Variants in SAMD5 observed in about 807,000 individuals in gnomAD.
The protein encoded by SAMD5 is sterile alpha motif domain containing 5.
A neutral mutation model predicts 11.3 loss-of-function variants in SAMD5; 13 were observed. That is an observed-to-expected ratio of 1.15 (90% CI 0.75 to 1.83). The LOEUF (loss-of-function observed/expected upper bound fraction) is 1.83, where lower values mean the gene tolerates loss of function less well. SAMD5 is among the 40% of genes most tolerant of loss of function. The probability of loss-of-function intolerance (pLI) is 0.00; values close to 1 mark genes in which losing one functional copy is unlikely to be tolerated. For missense variants in SAMD5, 255 were observed against 239.1 expected (o/e 1.07, Z -0.44); for synonymous variants, 129 against 111.3 (o/e 1.16, Z -1.00).
chr6:147,663,735 T>C (rs2128454666), intron 1 of SAMD5, among the ~76,000 whole-genome samples: 1 of 137,872 alleles, frequency 7.3e-6, no homozygotes, highest in South Asian at 2.2e-4. Context: ...GAGGTTGCAG[T>C]GAGCAGAGAT....
chr6:147,635,264 A>G (rs1384473926), intron 1 of SAMD5, among the ~76,000 whole-genome samples: 1 of 152,134 alleles, frequency 6.6e-6, no homozygotes, highest in Non-Finnish European at 1.5e-5. Flanking sequence ...CATCGTGAAC[A>G]TTTGTCAAAC....
At chr6:147,642,589 A>T (rs922460134) in intron 1 of SAMD5, among the ~76,000 whole-genome samples, 1 of 152,232 alleles carries the variant, frequency 6.6e-6, no homozygotes, top group Non-Finnish European at 1.5e-5. Context: ...AAAGACATTC[A>T]TTCTTAAAGA....
chr6:147,575,690 C>G (rs532632804), intron 1 of SAMD5, among the ~76,000 whole-genome samples: 40 of 152,296 alleles, frequency 2.6e-4, no homozygotes, highest in Admixed American at 2.2e-3. Context: ...CTGCCTGAGA[C>G]TCAGAATAAG....
chr6:147,947,560 A>G, the SAMD5 span: 1 of 152,212 alleles, frequency 6.6e-6, no homozygotes. Context: ...ACTACTTCAA[A>G]GATGCATGTG....
At chr6:147,756,277 G>T in the SAMD5 span, among the ~76,000 whole-genome samples, 1 of 152,018 alleles carries the variant, frequency 6.6e-6, no homozygotes, top group African/African-American at 2.4e-5. Context: ...AATACAATAC[G>T]CAGCATACAC....
At chr6:147,865,313 A>AGTGT in the SAMD5 span, among the ~76,000 whole-genome samples, 26 of 147,276 alleles carry the variant, frequency 1.8e-4, no homozygotes, top group East Asian at 8.1e-4. Context: ...TAGGTATATA[A>AGTGT]GTGTGTGTGT....
At chr6:147,872,084 C>T in the SAMD5 span, among the ~76,000 whole-genome samples, 3 of 152,156 alleles carry the variant, frequency 2.0e-5, no homozygotes, top group Non-Finnish European at 4.4e-5. Context: ...CATAAACACA[C>T]TATATTAGTA....
At chr6:147,798,537 A>G in the SAMD5 span, among the ~76,000 whole-genome samples, 1 of 151,500 alleles carries the variant, frequency 6.6e-6, no homozygotes, top group African/African-American at 2.4e-5. Flanking sequence ...AAAAAAATGT[A>G]TATTCTGTTG....
intron 1 of SAMD5, among the ~76,000 whole-genome samples, chr6:147,616,558 G>A (rs1283306773): frequency 6.6e-6 from 1 of 152,096 alleles, no homozygotes; most frequent in Non-Finnish European, 1.5e-5. Flanking sequence ...TAAACAGAGA[G>A]GGAGTGATGT....
At position 147,716,029 on chromosome 6, in the gene SAMD5, C is replaced by CT. The variant is rs1179733102; in HGVS notation, c.163-21285dup. Among the ~76,000 whole-genome samples, 20 of 152,330 alleles carry CT rather than the reference C, an allele frequency of 1.3e-4. No individual in the cohort carries two copies. The East Asian group carries it at 3.9e-3, about 29-fold the overall frequency. ...TGGGACTGGCATCCCTCCCCTTAGG[C>CT]TTTCAGGCTTTCCAGGGCTTGAAGC... is the stretch of plus-strand genomic sequence containing the variant. On this transcript the variant is annotated intron_variant, in intron 1 of 1. Coordinates refer to the SAMD5 transcript ENST00000566741.
At chr6:147,892,886 A>G in the SAMD5 span, among the ~76,000 whole-genome samples, 9 of 152,138 alleles carry the variant, frequency 5.9e-5, no homozygotes, top group Middle Eastern at 3.2e-3. Flanking sequence ...AATTACTGGC[A>G]CTTTTTGAAT....
In SAMD5 at chr6:147,566,700, A is replaced by G; in HGVS notation, c.*2244A>G. 1 of 985,216 alleles carries G rather than the reference A, an allele frequency of 1.0e-6. No homozygotes were observed. Among genetic ancestry groups the G allele is most frequent in the Non-Finnish European group, 1.2e-6 (1 of 829,668 alleles). 61.0% of individuals were successfully genotyped at this position (985,216 alleles called of 1,614,324 possible). On this transcript the variant is annotated 3_prime_UTR_variant, in exon 2 of 2. Coordinates refer to ENST00000367474, the MANE Select transcript of SAMD5 (RefSeq NM_001030060.3). ...ATGCTCTGCTTAAAGTAAGAGTCAC[A>G]GTCAGCAAAAAAAGCCAATGGATTT... is the stretch of plus-strand genomic sequence containing the variant.
the SAMD5 span, among the ~76,000 whole-genome samples, chr6:147,754,422 T>C: frequency 1.3e-5 from 2 of 151,650 alleles, no homozygotes; most frequent in Admixed American, 6.6e-5. Flanking sequence ...GATTTTTTCC[T>C]ATAGAGTTTT....
chr6:147,932,036 C>T, the SAMD5 span, among the ~76,000 whole-genome samples: 1 of 152,102 alleles, frequency 6.6e-6, no homozygotes, highest in Non-Finnish European at 1.5e-5. Context: ...AGAGAAATGT[C>T]GTGATGTAAT....
At chr6:147,510,702 C>T (rs761950492) in intron 1 of SAMD5, among the ~76,000 whole-genome samples, 1 of 152,142 alleles carries the variant, frequency 6.6e-6, no homozygotes. Flanking sequence ...TTATCTACTA[C>T]CTTGCACGTA....
the SAMD5 span, among the ~76,000 whole-genome samples, chr6:147,887,229 C>T: frequency 2.0e-5 from 3 of 152,036 alleles, no homozygotes; most frequent in African/African-American, 4.8e-5. Flanking sequence ...TTGATAAATT[C>T]GGACTACATA....
the SAMD5 span, among the ~76,000 whole-genome samples, chr6:147,834,069 G>C: frequency 6.6e-6 from 1 of 152,224 alleles, no homozygotes. Context: ...AATTTCCCTT[G>C]TATTATCAGC....
the SAMD5 span, among the ~76,000 whole-genome samples, chr6:147,769,215 C>T: frequency 7.9e-5 from 12 of 152,160 alleles, no homozygotes; most frequent in East Asian, 3.9e-4. Flanking sequence ...GTGCCTAGTA[C>T]GTATTAGCCA....
At chr6:147,749,991 T>G in the SAMD5 span, among the ~76,000 whole-genome samples, 1 of 152,214 alleles carries the variant, frequency 6.6e-6, no homozygotes, top group Non-Finnish European at 1.5e-5. Context: ...TTCTTATTCC[T>G]TATCTGCTGA....
Sources: allele counts gnomAD v4.1 joint callset (sites outside exome capture counted in the v4.1 genomes callset), GRCh38; gene constraint gnomAD v4.1.1; transcripts MANE v1.5; gene names NCBI Gene and HGNC (gene_info 2026-07-23, HGNC 2026-07-21).